The following KATNA1 variants were observed in gnomAD, a reference collection of about 807,000 sequenced individuals.
KATNA1 encodes katanin p60 ATPase-containing subunit A1.
KATNA1 carries 42 observed loss-of-function variants against 62.6 expected under a neutral mutation model. The ratio of observed to expected loss-of-function variants is 0.67; its 90% CI spans 0.52 to 0.87. KATNA1 has a LOEUF of 0.87. KATNA1 is among the 40% of genes least tolerant of loss of function. KATNA1 has a pLI of 0.00. For synonymous variants in KATNA1, 186 were observed against 201.9 expected (o/e 0.92, Z 0.67); for missense variants, 498 against 612.5 (o/e 0.81, Z 1.97).
At chr6:149,644,155 T>C (rs938133096) in intron 1 of KATNA1, among the ~76,000 whole-genome samples, 1 of 152,058 alleles carries the variant, frequency 6.6e-6, no homozygotes, top group East Asian at 1.9e-4. Context: ...AGACACCTAG[T>C]CTGGGCAAGG....
chr6:149,599,144 G>A (rs571577593), intron 7 of KATNA1, among the ~76,000 whole-genome samples: 1 of 152,122 alleles, frequency 6.6e-6, no homozygotes, highest in African/African-American at 2.4e-5. Context: ...GGATTACAAT[G>A]AGCCACTGTA....
intron 10 of KATNA1, among the ~76,000 whole-genome samples, chr6:149,596,723 G>A (rs889741540): frequency 2.0e-5 from 3 of 151,968 alleles, no homozygotes; most frequent in East Asian, 3.9e-4. Context: ...CACCATGCCC[G>A]GCTAATTTTT....
chr6:149,596,937 T>G, intron 10 of KATNA1, 126 bp downstream of exon 10: 1 of 863,280 alleles, frequency 1.2e-6, no homozygotes, highest in Admixed American at 2.6e-5. Context: ...TGCAGTAAGC[T>G]GTGACTGCGC....
intron 3 of KATNA1, among the ~76,000 whole-genome samples, chr6:149,629,343 A>C (rs2114597346): frequency 6.6e-6 from 1 of 152,018 alleles, no homozygotes; most frequent in Admixed American, 6.6e-5. Context: ...GAGCTTACTC[A>C]CTCTCTCTGT....
intron 7 of KATNA1, 79 bp downstream of exon 7, chr6:149,601,515 A>AG: frequency 7.8e-7 from 1 of 1,284,950 alleles, no homozygotes; most frequent in Non-Finnish European, 1.1e-6. Flanking sequence ...TAACTATTCC[A>AG]TATACTGGAG....
At chr6:149,638,687 T>C (rs983738080) in intron 1 of KATNA1, 127 bp from the exon 2 acceptor site, 15 of 526,642 alleles carry the variant, frequency 2.8e-5, no homozygotes, top group Admixed American at 9.4e-5. Context: ...TTCCCATCTC[T>C]ATATGTGTGC....
At chr6:149,604,843 A>C in intron 4 of KATNA1, 61 bp from the exon 5 acceptor site, 2 of 1,537,302 alleles carry the variant, frequency 1.3e-6, no homozygotes, top group South Asian at 1.1e-5. Flanking sequence ...GTGAGTCGGA[A>C]ACACAGATTG....
At chr6:149,645,935 C>T (rs1227998323) in intron 1 of KATNA1, among the ~76,000 whole-genome samples, 5 of 151,634 alleles carry the variant, frequency 3.3e-5, no homozygotes, top group Non-Finnish European at 5.9e-5. Flanking sequence ...TGAAAAAGAA[C>T]AGGCAAAATA....
At chr6:149,638,298 T>C (rs374676332) in intron 2 of KATNA1, 88 bp downstream of exon 2, 9 of 1,237,248 alleles carry the variant, frequency 7.3e-6, no homozygotes, top group South Asian at 5.4e-5. Flanking sequence ...AGTCTTAACA[T>C]GTAACTACAT....
chr6:149,638,561 C>A lies in KATNA1; in HGVS notation c.-13-1G>T. 1.3e-6 allele frequency: 2 copies of A among 1,590,650 alleles called. No homozygotes were observed. The highest frequency in any genetic ancestry group is 1.1e-5 in the South Asian group (1 of 88,344). ...AAGAAGACTCATGTTCAACTGTAAGCTAAAAAGAAGAAGAAAAAAAGAAAC... is the reference window on the plus strand; with the variant it reads ...AAGAAGACTCATGTTCAACTGTAAGATAAAAAGAAGAAGAAAAAAAGAAAC... On this transcript the variant is annotated splice_acceptor_variant, in intron 1 of 10. Transcript: ENST00000367411. LOFTEE classifies it low-confidence loss of function (5UTR_SPLICE).
chr6:149,644,673 AT>A (rs1404970756), intron 1 of KATNA1, among the ~76,000 whole-genome samples: 1 of 152,160 alleles, frequency 6.6e-6, no homozygotes, highest in Non-Finnish European at 1.5e-5. Context: ...GTTGTTACTT[AT>A]ATATAGGTGG....
At chr6:149,644,073 C>A (rs914114384) in intron 1 of KATNA1, among the ~76,000 whole-genome samples, 4 of 152,038 alleles carry the variant, frequency 2.6e-5, no homozygotes, top group Non-Finnish European at 5.9e-5. Flanking sequence ...CTCAGCTCAT[C>A]CCTTCCAAGC....
chr6:149,606,977 A>C (rs1477211856), intron 4 of KATNA1, among the ~76,000 whole-genome samples: 1 of 152,202 alleles, frequency 6.6e-6, no homozygotes, highest in Non-Finnish European at 1.5e-5. Flanking sequence ...GTATTTATAA[A>C]GTTGTTACTC....
chr6:149,633,905 GGA>G (rs1779954435), intron 2 of KATNA1, among the ~76,000 whole-genome samples: 3 of 151,510 alleles, frequency 2.0e-5, no homozygotes, highest in African/African-American at 7.3e-5. Flanking sequence ...GCGGCAAGCC[GGA>G]GATCACACCA....
chr6:149,618,309 C>T (rs969218820), intron 4 of KATNA1, among the ~76,000 whole-genome samples: 1 of 151,604 alleles, frequency 6.6e-6, no homozygotes, highest in Admixed American at 6.6e-5. Context: ...GAAACCCCGT[C>T]TCTACTAAAA....
At chr6:149,618,564 A>G (rs1779270588) in intron 4 of KATNA1, among the ~76,000 whole-genome samples, 1 of 152,232 alleles carries the variant, frequency 6.6e-6, no homozygotes, top group Non-Finnish European at 1.5e-5. Context: ...AGTTGGAGAC[A>G]TCACACTACT....
intron 3 of KATNA1, among the ~76,000 whole-genome samples, chr6:149,632,556 T>A (rs1382675096): frequency 2.0e-5 from 3 of 152,148 alleles, no homozygotes; most frequent in South Asian, 2.1e-4. Flanking sequence ...AGCATATTTT[T>A]AAATTATTCC....
intron 4 of KATNA1, among the ~76,000 whole-genome samples, chr6:149,621,496 A>ATT (rs747566712): frequency 7.2e-6 from 1 of 138,156 alleles, no homozygotes. Flanking sequence ...AAAATGAATA[A>ATT]TTTTTTTTTT....
intron 3 of KATNA1, among the ~76,000 whole-genome samples, chr6:149,624,540 C>G (rs919509307): frequency 5.9e-5 from 9 of 152,100 alleles, no homozygotes; most frequent in Admixed American, 2.6e-4. Flanking sequence ...TGGCACCACA[C>G]AAGGCTAATT....
Sources: allele counts gnomAD v4.1 joint callset (sites outside exome capture counted in the v4.1 genomes callset), GRCh38; gene constraint gnomAD v4.1.1; transcripts MANE v1.5; gene names NCBI Gene and HGNC (gene_info 2026-07-23, HGNC 2026-07-21).